Variants in TEN1 observed in about 807,000 individuals in gnomAD.
The protein encoded by TEN1 is TEN1 subunit of CST complex, also known as CST complex subunit TEN1.
A neutral mutation model predicts 9.3 loss-of-function variants in TEN1; 6 were observed. The observed-to-expected ratio is 0.65, with a 90% CI of 0.35 to 1.27. The LOEUF (loss-of-function observed/expected upper bound fraction) is 1.27. Among genes scored for constraint, TEN1 ranks in the 50% most tolerant of loss-of-function variants. The pLI is 0.03. For missense variants in TEN1, 149 were observed against 158.2 expected (o/e 0.94, Z 0.31); for synonymous variants, 65 against 65.6 (o/e 0.99, Z 0.04).
chr17:75,993,853 G>A (rs1438433499), intron 3 of TEN1, among the ~76,000 whole-genome samples: 3 of 152,066 alleles, frequency 2.0e-5, no homozygotes, highest in Non-Finnish European at 4.4e-5. Context: ...AAAGTTAGCC[G>A]GGCGTGGTGG....
rs376948273 is a variant in TEN1, at chr17:75,996,357, T to C, written c.251-3784T>C. Among the ~76,000 whole-genome samples, 5 of 152,154 alleles carry C rather than the reference T, an allele frequency of 3.3e-5. No homozygotes were observed. In the South Asian group the frequency reaches 1.0e-3, roughly 32 times the overall value. ...GAAATTAGCTGAGCGTGGTGGCACA[T>C]GCCTGTAATCCCAGCTATTCAGGAG... is the stretch of plus-strand genomic sequence containing the variant. On this transcript the variant is annotated intron_variant, in intron 3 of 3. Transcript: ENST00000397640.
Position 75,993,362 on chromosome 17 carries a change from CAA to C in TEN1, c.250+1741_250+1742del, listed in dbSNP as rs922094662. ...TTGTGATCTGCCCGCCTCGGCCTCC[CAA>C]AGTGTTGGGATTACAAGCGTGAGCT... On this transcript the variant is annotated intron_variant, in intron 3 of 3. Coordinates refer to ENST00000397640, the MANE Select transcript of TEN1 (RefSeq NM_001113324.3). 5.4e-4 allele frequency among the ~76,000 whole-genome samples: 82 copies of C among 152,012 alleles called. 1 individual carries two copies. Among genetic ancestry groups the C allele is most frequent in the Admixed American group, 2.6e-4 (4 of 15,254 alleles).
chr17:75,984,186 G>C (rs895972423), intron 1 of TEN1, among the ~76,000 whole-genome samples: 1 of 152,168 alleles, frequency 6.6e-6, no homozygotes, highest in Non-Finnish European at 1.5e-5. Flanking sequence ...GGACTGGCTA[G>C]ATCAGCTCTC....
intron 3 of TEN1, among the ~76,000 whole-genome samples, chr17:75,997,101 CA>C (rs2066222505): frequency 6.6e-6 from 1 of 152,168 alleles, no homozygotes; most frequent in Admixed American, 6.6e-5. Context: ...CTTGCCCTAT[CA>C]GGACCTGTGG....
intron 3 of TEN1, among the ~76,000 whole-genome samples, chr17:75,997,807 A>G (rs929896672): frequency 2.0e-5 from 3 of 150,980 alleles, no homozygotes; most frequent in Non-Finnish European, 4.4e-5. Flanking sequence ...CTGCATTCTG[A>G]CTGCTTTTTA....
chr17:75,997,209 ACCCCAGCCT>A (rs1320886897), intron 3 of TEN1, among the ~76,000 whole-genome samples: 1 of 151,918 alleles, frequency 6.6e-6, no homozygotes, highest in African/African-American at 2.4e-5. Context: ...CTGCCCCAAG[ACCCCAGCCT>A]CCACCCTCCT....
At chr17:75,987,372 T>TA (rs1290030387) in intron 2 of TEN1, among the ~76,000 whole-genome samples, 2 of 152,192 alleles carry the variant, frequency 1.3e-5, no homozygotes, top group Non-Finnish European at 2.9e-5. Context: ...GATTTCTCTG[T>TA]AGTTCTGTGT....
chr17:75,995,883 A>G (rs780670658), intron 3 of TEN1, among the ~76,000 whole-genome samples: 9 of 152,036 alleles, frequency 5.9e-5, no homozygotes, highest in Non-Finnish European at 1.0e-4. Context: ...ACTTGAACCC[A>G]GGAGTTTGAG....
intron 1 of TEN1, among the ~76,000 whole-genome samples, chr17:75,983,202 A>T (rs1598209993): frequency 6.7e-6 from 1 of 150,212 alleles, no homozygotes; most frequent in Non-Finnish European, 1.5e-5. Context: ...AATCGCTTGA[A>T]CCCGGGAGGC....
At chr17:75,999,179 C>T (rs753035857) in intron 3 of TEN1, among the ~76,000 whole-genome samples, 11 of 152,026 alleles carry the variant, frequency 7.2e-5, no homozygotes, top group Non-Finnish European at 1.5e-4. Flanking sequence ...GACCCCATCT[C>T]TACAAGAAAT....
chr17:75,991,669 TGGGGCAGTCTTC>T (rs1405775270), intron 3 of TEN1, 46 bp downstream of exon 3: 12 of 1,539,004 alleles, frequency 7.8e-6, no homozygotes, highest in Non-Finnish European at 8.8e-6. Context: ...GGGCCTGAGC[TGGGGCAGTCTTC>T]GGGGCAGTCA....
chr17:75,985,430 G>A (rs963438126), intron 1 of TEN1, among the ~76,000 whole-genome samples: 1 of 152,234 alleles, frequency 6.6e-6, no homozygotes, highest in African/African-American at 2.4e-5. Flanking sequence ...TTACAGGCAT[G>A]AGCCACTGTG....
chr17:75,996,311 C>T (rs1231674027), intron 3 of TEN1, among the ~76,000 whole-genome samples: 1 of 151,946 alleles, frequency 6.6e-6, no homozygotes, highest in East Asian at 1.9e-4. Context: ...CATGGTGAAA[C>T]CCTGTCTCTA....
Position 75,991,571 on chromosome 17 carries a change from C to T in TEN1, c.198C>T (p.His66=), listed in dbSNP as rs10852767. 0.074 allele frequency: 115,278 copies of T among 1,551,916 alleles called. 12,958 individuals carry two copies. The highest frequency in any genetic ancestry group is 0.53 in the African/African-American group (38,981 of 72,996). The change falls in exon 3 of 4, where the codon CAC becomes CAT. Residue 66 remains histidine, a synonymous_variant. Coordinates refer to ENST00000397640, the MANE Select transcript of TEN1 (RefSeq NM_001113324.3). The part of the protein sequence containing the change: ...LVCTKLVEPF[H]AQVGSLYIVL... ...GTACCAAGTTGGTGGAGCCCTTCCA[C>T]GCCCAGGTGGGCTCCCTGTACATCG... is the stretch of plus-strand genomic sequence containing the variant.
intron 3 of TEN1, among the ~76,000 whole-genome samples, chr17:75,996,852 C>T (rs1328022457): frequency 6.6e-6 from 1 of 152,146 alleles, no homozygotes; most frequent in Non-Finnish European, 1.5e-5. Flanking sequence ...AGCTCTGGGA[C>T]TTGCCCAAAC....
rs552773402 is a variant in TEN1, at chr17:75,988,795, G to A, written c.92+2511G>A. On this transcript the variant is annotated intron_variant, in intron 2 of 3. Transcript: ENST00000397640. ...CAAGTCTTTTGTTTTTTTTTGAGAC[G>A]GAGTCTAACTCTGTCACCAGGCTGG... Among the ~76,000 whole-genome samples the A allele has an allele frequency of 4.7e-3, 705 of 151,100 alleles. 2 individuals are homozygous for A. The highest frequency in any genetic ancestry group is 7.4e-3 in the Non-Finnish European group (500 of 67,812).
intron 3 of TEN1, among the ~76,000 whole-genome samples, chr17:75,998,898 C>A (rs1293105577): frequency 6.6e-6 from 1 of 151,992 alleles, no homozygotes; most frequent in Admixed American, 6.6e-5. Flanking sequence ...GCCGTGTTGG[C>A]CAAGCTGGTC....
At chr17:75,994,948 G>A (rs961804700) in intron 3 of TEN1, among the ~76,000 whole-genome samples, 12 of 152,162 alleles carry the variant, frequency 7.9e-5, no homozygotes, top group Admixed American at 4.6e-4. Context: ...AAAACCAAGT[G>A]TGGTGGCTCA....
chr17:75,994,631 C>G (rs961834409), intron 3 of TEN1, among the ~76,000 whole-genome samples: 6 of 151,656 alleles, frequency 4.0e-5, no homozygotes, highest in Admixed American at 6.6e-5. Context: ...GCGCCTGCCA[C>G]TGTGCCTGGC....
Sources: gnomAD v4.1 joint callset for allele counts (sites outside exome capture counted in the v4.1 genomes callset) on GRCh38, gnomAD v4.1.1 for gene constraint, MANE v1.5 for transcripts, NCBI Gene and HGNC (gene_info 2026-07-23, HGNC 2026-07-21) for gene names.